NRG2: variants seen among roughly 807,000 people sequenced by gnomAD.
The protein encoded by NRG2 is neuregulin 2.
NRG2 carries 27 observed loss-of-function variants against 73.9 expected under a neutral mutation model. The observed-to-expected ratio is 0.37, with a 90% CI of 0.27 to 0.50. The LOEUF (loss-of-function observed/expected upper bound fraction) is 0.50, where lower values mean the gene tolerates loss of function less well. Among genes scored for constraint, NRG2 ranks in the 20% least tolerant of loss-of-function variants. The pLI is 0.96. For missense variants in NRG2, 1,126 were observed against 1,210.1 expected (o/e 0.93, Z 1.03); for synonymous variants, 532 against 541.0 (o/e 0.98, Z 0.23).
intron 5 of NRG2, among the ~76,000 whole-genome samples, chr5:139,863,445 C>T (rs914186033): frequency 3.3e-5 from 5 of 152,242 alleles, no homozygotes; most frequent in Non-Finnish European, 7.3e-5. Context: ...TTTCTGGGCT[C>T]CCGGGGCCCT....
At chr5:139,960,823 G>C (rs2126499041) in intron 1 of NRG2, among the ~76,000 whole-genome samples, 1 of 152,232 alleles carries the variant, frequency 6.6e-6, no homozygotes, top group African/African-American at 2.4e-5. Flanking sequence ...TCAGTTCAAG[G>C]GGACAAGTTA....
At chr5:140,021,655 G>A (rs576103751) in intron 1 of NRG2, among the ~76,000 whole-genome samples, 2 of 152,282 alleles carry the variant, frequency 1.3e-5, no homozygotes, top group East Asian at 3.9e-4. Context: ...TCAGACAGAA[G>A]GGCCATGGGA....
rs1279320143 is a variant in NRG2, at chr5:139,915,540, C to T, written c.701-28029G>A. 6.6e-6 allele frequency among the ~76,000 whole-genome samples: 1 copy of T among 152,184 alleles called. No individual in the cohort carries two copies. The highest frequency in any genetic ancestry group is 1.5e-5 in the Non-Finnish European group (1 of 68,030). On this transcript the variant is annotated intron_variant, in intron 1 of 9. Transcript: ENST00000361474. The surrounding 1 kb of genome is among the most constrained non-coding windows in gnomAD (Gnocchi z 4.0). ...GGATTACCAGGAAGGATGCTGAATT[C>T]CTCAGAGGAGATTGCTACCAGGATT...
At chr5:140,009,608 A>C (rs1759192687) in intron 1 of NRG2, among the ~76,000 whole-genome samples, 1 of 152,232 alleles carries the variant, frequency 6.6e-6, no homozygotes, top group Admixed American at 6.5e-5. Context: ...ACCATTTTGC[A>C]TTCCCACCAA....
At position 139,954,323 on chromosome 5, in the gene NRG2, C is replaced by G. The variant is rs967305781; in HGVS notation, c.701-66812G>C. 2.7e-4 allele frequency among the ~76,000 whole-genome samples: 41 copies of G among 152,090 alleles called. No individual in the cohort carries two copies. The highest frequency in any genetic ancestry group is 1.2e-4 in the Non-Finnish European group (8 of 68,004). On this transcript the variant is annotated intron_variant, in intron 1 of 9. Coordinates refer to ENST00000361474, the MANE Select transcript of NRG2 (RefSeq NM_004883.3). This position sits in a 1 kb window ranked among gnomAD's most constrained non-coding sequence, Gnocchi z 5.0. ...TGCAGCGGCTGTCTAGCCCCAGGTC[C>G]CAAGGTCGCCCATGTCAGCACCTAT... is the stretch of plus-strand genomic sequence containing the variant.
chr5:139,854,975 G>T (rs1171587280), intron 6 of NRG2, among the ~76,000 whole-genome samples: 1 of 152,166 alleles, frequency 6.6e-6, no homozygotes, highest in Non-Finnish European at 1.5e-5. Flanking sequence ...GCTCCAGCTA[G>T]TCTGGGCTGC....
At chr5:139,940,038 G>A (rs1753269755) in intron 1 of NRG2, among the ~76,000 whole-genome samples, 1 of 152,156 alleles carries the variant, frequency 6.6e-6, no homozygotes, top group Non-Finnish European at 1.5e-5. Context: ...AAGGTCAAAT[G>A]GTACAGTTTG....
chr5:139,867,082 A>G (rs553242000), intron 4 of NRG2, among the ~76,000 whole-genome samples: 21 of 152,338 alleles, frequency 1.4e-4, no homozygotes, highest in African/African-American at 4.8e-4. Context: ...TCAAGAGGCA[A>G]GTGTACTCTA....
Position 139,904,467 on chromosome 5 carries a change from A to G in NRG2, c.701-16956T>C. 2.2e-6 allele frequency: 2 copies of G among 921,784 alleles called. No individual in the cohort carries two copies. The highest frequency in any genetic ancestry group is 2.8e-5 in the East Asian group (1 of 35,260). 57.1% of individuals were successfully genotyped at this position (921,784 alleles called of 1,614,324 possible). ...GCCGCGCTGCGCCCCCGCCGCCTGCAGCCTCAGTGCCCGAGCGCGGCGCCT... is the reference window on the plus strand; with the variant it reads ...GCCGCGCTGCGCCCCCGCCGCCTGCGGCCTCAGTGCCCGAGCGCGGCGCCT... On this transcript the variant is annotated intron_variant, in intron 1 of 9. Transcript: ENST00000361474. This position sits in a 1 kb window ranked among gnomAD's most constrained non-coding sequence, Gnocchi z 6.0.
intron 1 of NRG2, among the ~76,000 whole-genome samples, chr5:140,003,831 C>G (rs1758686414): frequency 6.6e-6 from 1 of 152,168 alleles, no homozygotes; most frequent in Non-Finnish European, 1.5e-5. Flanking sequence ...AATCTTGAAA[C>G]CATCCTGGAT....
At chr5:139,927,932 C>T (rs1752186184) in intron 1 of NRG2, among the ~76,000 whole-genome samples, 1 of 152,036 alleles carries the variant, frequency 6.6e-6, no homozygotes, top group African/African-American at 2.4e-5. Flanking sequence ...ATCTACCTCC[C>T]CTCTGGGAGG....
At position 139,908,412 on chromosome 5, in the gene NRG2, G is replaced by T. The variant is rs141017510; in HGVS notation, c.701-20901C>A. Among the ~76,000 whole-genome samples, 1,282 of 152,324 alleles carry T rather than the reference G, an allele frequency of 8.4e-3. 10 individuals carry two copies. The highest frequency in any genetic ancestry group is 0.031 in the Middle Eastern group (9 of 294). ...AGGCTCTGAACATCTTGAGGGTCAG[G>T]TGAGGAGTACCTGAACCAGCAGTGA... On this transcript the variant is annotated intron_variant, in intron 1 of 9. Coordinates refer to ENST00000361474, the MANE Select transcript of NRG2 (RefSeq NM_004883.3).
chr5:139,980,937 G>A (rs2126560458), intron 1 of NRG2, among the ~76,000 whole-genome samples: 1 of 152,316 alleles, frequency 6.6e-6, no homozygotes, highest in East Asian at 1.9e-4. Context: ...GTGCAGAGAA[G>A]TGGTTTCTGT....
intron 1 of NRG2, among the ~76,000 whole-genome samples, chr5:139,924,695 G>T (rs1438045072): frequency 6.6e-6 from 1 of 151,966 alleles, no homozygotes; most frequent in Non-Finnish European, 1.5e-5. Flanking sequence ...TCTTTTTTGG[G>T]GAGGCTCAGC....
intron 1 of NRG2, among the ~76,000 whole-genome samples, chr5:140,009,635 G>T (rs1759195436): frequency 6.6e-6 from 1 of 152,206 alleles, no homozygotes; most frequent in Non-Finnish European, 1.5e-5. Context: ...ATGAGAGGAT[G>T]TCCCACATCC....
intron 1 of NRG2, among the ~76,000 whole-genome samples, chr5:139,908,306 G>A (rs1044012358): frequency 6.6e-6 from 1 of 152,230 alleles, no homozygotes; most frequent in Non-Finnish European, 1.5e-5. Context: ...CAGGATGGAT[G>A]GGAAGGAGAA....
At chr5:139,953,497 G>A (rs937244689) in intron 1 of NRG2, among the ~76,000 whole-genome samples, 4 of 151,986 alleles carry the variant, frequency 2.6e-5, no homozygotes, top group East Asian at 1.9e-4. Flanking sequence ...CCTTCCCACC[G>A]CTCTCATCCT....
intron 1 of NRG2, among the ~76,000 whole-genome samples, chr5:139,893,226 G>A (rs113692604): frequency 1.3e-5 from 2 of 152,138 alleles, no homozygotes; most frequent in Non-Finnish European, 2.9e-5. Flanking sequence ...AATCATTTCA[G>A]TAGCTGCATA....
At chr5:140,015,818 C>A (rs1561754130) in intron 1 of NRG2, among the ~76,000 whole-genome samples, 1 of 152,216 alleles carries the variant, frequency 6.6e-6, no homozygotes, top group Non-Finnish European at 1.5e-5. Context: ...ACACGGTGAT[C>A]TCAAAAGTAA....
Sources: gnomAD v4.1 joint callset for allele counts (sites outside exome capture counted in the v4.1 genomes callset) on GRCh38, gnomAD v4.1.1 for gene constraint, Gnocchi (gnomAD v3.1) non-coding constraint, MANE v1.5 for transcripts, NCBI Gene and HGNC (gene_info 2026-07-23, HGNC 2026-07-21) for gene names.